WARS2: variants seen among roughly 807,000 people sequenced by gnomAD.
WARS2 encodes tryptophanyl tRNA synthetase 2, mitochondrial.
Under a neutral mutation model 36.5 loss-of-function variants are expected in WARS2, and 28 were observed. The ratio of observed to expected loss-of-function variants is 0.77; its 90% confidence interval spans 0.57 to 1.05. The LOEUF (loss-of-function observed/expected upper bound fraction) is 1.05. Among genes scored for constraint, WARS2 ranks in the 50% least tolerant of loss-of-function variants. The pLI, the probability that WARS2 is intolerant of heterozygous loss-of-function variation, is 0.00. For missense variants in WARS2, 435 were observed against 456.8 expected (o/e 0.95, Z 0.44); for synonymous variants, 174 against 178.4 (o/e 0.98, Z 0.20).
At position 119,105,859 on chromosome 1, in the gene WARS2, G is replaced by A. The variant is rs587729733; in HGVS notation, c.91-29252C>T. On this transcript the variant is annotated intron_variant, in intron 1 of 5. Coordinates refer to ENST00000235521, the MANE Select transcript of WARS2 (RefSeq NM_015836.4). ...TGGGAGGTGGAGGTTGCAGTGAGCC[G>A]AGACTGAGCCACTGCACTCCAGCCT... 4.2e-4 allele frequency among the ~76,000 whole-genome samples: 64 copies of A among 152,220 alleles called. 1 individual carries two copies. The highest frequency in any genetic ancestry group is 3.7e-3 in the Admixed American group (57 of 15,290).
intron 1 of WARS2, among the ~76,000 whole-genome samples, chr1:119,090,921 G>T (rs1454390015): frequency 1.3e-5 from 2 of 152,064 alleles, no homozygotes; most frequent in Non-Finnish European, 2.9e-5. Context: ...TAGTTTTTCG[G>T]CATATGGTGG....
At chr1:119,048,117 G>C (rs1211216398) in intron 2 of WARS2, among the ~76,000 whole-genome samples, 1 of 152,222 alleles carries the variant, frequency 6.6e-6, no homozygotes, top group East Asian at 1.9e-4. Flanking sequence ...CAGTTTCAGG[G>C]GAGTGATTGG....
intron 2 of WARS2, among the ~76,000 whole-genome samples, chr1:119,071,379 A>G (rs1432818636): frequency 1.3e-5 from 2 of 152,180 alleles, no homozygotes; most frequent in African/African-American, 4.8e-5. Context: ...TATGTCAAAG[A>G]CACATCTGTA....
chr1:119,100,521 C>T (rs1440387888), intron 1 of WARS2, among the ~76,000 whole-genome samples: 3 of 152,132 alleles, frequency 2.0e-5, no homozygotes, highest in African/African-American at 7.2e-5. Flanking sequence ...TTCACAATAG[C>T]AAAGCTATGG....
At chr1:119,081,792 A>G (rs896635034) in intron 1 of WARS2, among the ~76,000 whole-genome samples, 1 of 152,110 alleles carries the variant, frequency 6.6e-6, no homozygotes, top group Admixed American at 6.5e-5. Flanking sequence ...AAATGCCTCT[A>G]TTGGCAATTA....
intron 4 of WARS2, 31 bp downstream of exon 4, chr1:119,042,233 T>C (rs754985501): frequency 6.3e-6 from 10 of 1,597,714 alleles, no homozygotes; most frequent in Middle Eastern, 1.7e-4. Flanking sequence ...ACCATGAGTA[T>C]GTATAAGACT....
rs574730393 is a variant in WARS2 at position 119,050,728 on chromosome 1, C to T, written c.349-5066G>A. On this transcript the variant is annotated intron_variant, in intron 2 of 5. Transcript: ENST00000235521. ...AAGTACTGTACTATTATACCAACTACGAAAAAAATTTTAAACCATACAAAC... is the reference window on the plus strand; with the variant it reads ...AAGTACTGTACTATTATACCAACTATGAAAAAAATTTTAAACCATACAAAC... Among the ~76,000 whole-genome samples the T allele has an allele frequency of 5.9e-4, 89 of 151,644 alleles. 2 individuals are homozygous for T. Among genetic ancestry groups the T allele is most frequent in the East Asian group, 1.9e-4 (1 of 5,174 alleles).
In WARS2 at chr1:119,095,887, A is replaced by G. The variant is rs587600965; in HGVS notation, c.91-19280T>C. On this transcript the variant is annotated intron_variant, in intron 1 of 5. Coordinates refer to ENST00000235521, the MANE Select transcript of WARS2 (RefSeq NM_015836.4). ...TATTGGGGGACACTGAAGAGTTTTT[A>G]GTTTCTCAAACTCACTGGTAAACCT... Among the ~76,000 whole-genome samples the G allele has an allele frequency of 2.6e-5, 4 of 152,356 alleles. No individual in the cohort carries two copies. In the South Asian group the frequency reaches 8.3e-4, roughly 32 times the overall value.
chr1:119,122,226 G>A (rs1330821693), intron 1 of WARS2, among the ~76,000 whole-genome samples: 1 of 151,992 alleles, frequency 6.6e-6, no homozygotes, highest in Non-Finnish European at 1.5e-5. Flanking sequence ...TCAAAAAGTG[G>A]GCTAAGGACA....
chr1:119,046,314 A>G (rs1329456271), intron 2 of WARS2, among the ~76,000 whole-genome samples: 1 of 132,066 alleles, frequency 7.6e-6, no homozygotes, highest in Non-Finnish European at 1.6e-5. Flanking sequence ...TTTTTTAAGA[A>G]GAAGTCTAAT....
At chr1:119,089,237 A>G (rs587606299) in intron 1 of WARS2, among the ~76,000 whole-genome samples, 1 of 152,282 alleles carries the variant, frequency 6.6e-6, no homozygotes, top group South Asian at 2.1e-4. Context: ...CCAAGAGCAA[A>G]TAAGTCTCAT....
intron 1 of WARS2, among the ~76,000 whole-genome samples, chr1:119,128,688 T>C (rs1022746308): frequency 6.6e-6 from 1 of 151,184 alleles, no homozygotes; most frequent in Non-Finnish European, 1.5e-5. Flanking sequence ...ATCCCATCAG[T>C]GGTCATGGCT....
chr1:119,099,127 T>A (rs1653675868), intron 1 of WARS2, among the ~76,000 whole-genome samples: 1 of 152,194 alleles, frequency 6.6e-6, no homozygotes, highest in Non-Finnish European at 1.5e-5. Context: ...TTTGACTAGT[T>A]TTGCCCTTAG....
intron 1 of WARS2, among the ~76,000 whole-genome samples, chr1:119,107,254 T>G (rs1356505187): frequency 6.6e-6 from 1 of 152,164 alleles, no homozygotes; most frequent in Non-Finnish European, 1.5e-5. Flanking sequence ...AGTCTGTGGT[T>G]TGACTTCTCA....
At chr1:119,079,802 C>A (rs587685777) in intron 1 of WARS2, among the ~76,000 whole-genome samples, 1 of 152,182 alleles carries the variant, frequency 6.6e-6, no homozygotes, top group Admixed American at 6.6e-5. Flanking sequence ...GGAGGAAACC[C>A]AAATGATCTG....
intron 1 of WARS2, chr1:119,126,639 C>T (rs35404519): frequency 4.3e-6 from 3 of 704,934 alleles, no homozygotes; most frequent in Admixed American, 1.8e-5. Flanking sequence ...ACCTTCACCA[C>T]GAAGCTCCAT....
chr1:119,120,160 GT>G (rs1655238047), intron 1 of WARS2, among the ~76,000 whole-genome samples: 1 of 151,924 alleles, frequency 6.6e-6, no homozygotes, highest in Admixed American at 6.6e-5. Context: ...ATACACATTA[GT>G]GAGATTAACC....
chr1:119,066,312 A>C (rs1650854029), intron 2 of WARS2, among the ~76,000 whole-genome samples: 1 of 151,972 alleles, frequency 6.6e-6, no homozygotes, highest in Admixed American at 6.6e-5. Flanking sequence ...CCCCGTCTTT[A>C]CTAAAAATAC....
chr1:119,060,245 T>A (rs1650265602), intron 2 of WARS2, among the ~76,000 whole-genome samples: 1 of 152,186 alleles, frequency 6.6e-6, no homozygotes, highest in Non-Finnish European at 1.5e-5. Context: ...GGAATTAATT[T>A]TCTCACAGTT....
Sources: gnomAD v4.1 joint callset for allele counts (sites outside exome capture counted in the v4.1 genomes callset) on GRCh38, gnomAD v4.1.1 for gene constraint, MANE v1.5 for transcripts, NCBI Gene and HGNC (gene_info 2026-07-23, HGNC 2026-07-21) for gene names.